Variants in RASAL1 observed in about 807,000 individuals in gnomAD.
RASAL1 encodes the protein rasGAP-activating-like protein 1.
Under a neutral mutation model 96.6 loss-of-function variants are expected in RASAL1, and 72 were observed. The ratio of observed to expected loss-of-function variants is 0.75; its 90% CI spans 0.62 to 0.91. RASAL1 has a LOEUF of 0.91. RASAL1 is among the 40% of genes least tolerant of loss of function. RASAL1 has a pLI of 0.00. For synonymous variants in RASAL1, 405 were observed against 430.4 expected (o/e 0.94, Z 0.73); for missense variants, 1,016 against 1,072.5 (o/e 0.95, Z 0.74).
intron 4 of RASAL1, among the ~76,000 whole-genome samples, chr12:113,127,133 C>CCTGCCTCTGCCT (rs1056891679): frequency 2.6e-5 from 4 of 151,840 alleles, no homozygotes; most frequent in Non-Finnish European, 5.9e-5. Flanking sequence ...AAGCGATCCT[C>CCTGCCTCTGCCT]CTGCCTCTGC....
chr12:113,124,725 G>A (rs560292137), intron 4 of RASAL1, among the ~76,000 whole-genome samples: 18 of 152,332 alleles, frequency 1.2e-4, no homozygotes, highest in South Asian at 8.3e-4. Flanking sequence ...GTGTTGAGAA[G>A]TAAAGCGCTT....
chr12:113,102,027 C>T lies in RASAL1; in HGVS notation c.2105-18G>A, dbSNP rs758029899. The T allele has an allele frequency of 6.2e-7, 1 of 1,609,200 alleles. No homozygotes were observed. Among genetic ancestry groups the T allele is most frequent in the East Asian group, 2.2e-5 (1 of 44,810 alleles). On this transcript the variant is annotated intron_variant, in intron 18 of 20. Coordinates refer to ENST00000548055, the MANE Select transcript of RASAL1 (RefSeq NM_001301202.2). ...GCCGGCGGCTGAGGGAACACAGCTT[C>T]ATTCATCAGTAACTCCCTCTCCCCT...
chr12:113,104,904 A>G lies in RASAL1; in HGVS notation c.1831-606T>C, dbSNP rs112977155. On this transcript the variant is annotated intron_variant, in intron 16 of 20. Transcript: ENST00000548055. ...CGATTCCAAGCACTTTACATTGATC[A>G]ACTTATTTAATTATCACAACAAACT... Among the ~76,000 whole-genome samples, 465 of 152,342 alleles carry G rather than the reference A, an allele frequency of 3.1e-3. 4 individuals carry two copies. Among genetic ancestry groups the G allele is most frequent in the African/African-American group, 0.011 (437 of 41,584 alleles).
Position 113,135,569 on chromosome 12 carries a change from TC to T in RASAL1, c.-108del. On this transcript the variant is annotated 5_prime_UTR_variant, in exon 1 of 21. Coordinates refer to ENST00000548055, the MANE Select transcript of RASAL1 (RefSeq NM_001301202.2). This position sits in a 1 kb window ranked among gnomAD's most constrained non-coding sequence, Gnocchi z 5.7. Reference sequence around the variant, plus strand: ...TCAAGCCTGGCTCCCTGCCTCGTGGTCCCAGTGCCGCCTGTCCGAGACCCGG... The same window carrying T: ...TCAAGCCTGGCTCCCTGCCTCGTGGTCCAGTGCCGCCTGTCCGAGACCCGG... The T allele has an allele frequency of 1.0e-6, 1 of 956,984 alleles. No individual in the cohort carries two copies. Among genetic ancestry groups the T allele is most frequent in the Non-Finnish European group, 1.6e-6 (1 of 627,212 alleles). 59.3% of individuals were successfully genotyped at this position (956,984 alleles called of 1,614,324 possible). A position where few individuals can be genotyped will look rare whatever the true frequency, so the allele number is the denominator to read the frequency against.
At chr12:113,114,347 G>A (rs911844570) in intron 12 of RASAL1, among the ~76,000 whole-genome samples, 7 of 151,846 alleles carry the variant, frequency 4.6e-5, no homozygotes, top group African/African-American at 1.7e-4. Context: ...GGTGGTGTGC[G>A]CCTATAGTCC....
intron 13 of RASAL1, among the ~76,000 whole-genome samples, chr12:113,111,200 T>A (rs952437150): frequency 2.0e-5 from 3 of 152,238 alleles, no homozygotes; most frequent in Admixed American, 6.5e-5. Flanking sequence ...GATTCATTTT[T>A]AGACTTTATT....
chr12:113,099,698 G>C lies in RASAL1; in HGVS notation c.*231C>G, dbSNP rs936037779. On this transcript the variant is annotated 3_prime_UTR_variant, in exon 21 of 21. Transcript: ENST00000548055. ...CAGGTTCCTTATCCTATCCACTCCA[G>C]TCTGAATCAAGCCAGAGGGCAAGTT... 3.0e-5 allele frequency: 14 copies of C among 464,852 alleles called. No individual in the cohort carries two copies. The highest frequency in any genetic ancestry group is 4.0e-5 in the African/African-American group (2 of 50,562). The allele number at this position is 464,852 out of a possible 1,614,324, so 28.8% of individuals were successfully genotyped here.
chr12:113,118,981 T>C (rs1951185840), intron 7 of RASAL1, 147 bp downstream of exon 7: 6 of 1,017,252 alleles, frequency 5.9e-6, no homozygotes, highest in Non-Finnish European at 8.6e-6. Flanking sequence ...GCAATGAAAC[T>C]GCAACACTCA....
At chr12:113,113,788 T>C (rs1592916694) in intron 12 of RASAL1, among the ~76,000 whole-genome samples, 1 of 152,014 alleles carries the variant, frequency 6.6e-6, no homozygotes, top group Non-Finnish European at 1.5e-5. Flanking sequence ...CAGGAGAAGG[T>C]TCTGGAGAGA....
Position 113,117,108 on chromosome 12 carries a change from G to A in RASAL1, c.696C>T (p.Arg232=). 6.2e-7 allele frequency: 1 copy of A among 1,610,936 alleles called. No individual in the cohort carries two copies. The highest frequency in any genetic ancestry group is 8.5e-7 in the Non-Finnish European group (1 of 1,177,698). The change falls in exon 8 of 21, where the codon CGC becomes CGT. Residue 232 remains arginine, a synonymous_variant. Transcript: ENST00000548055. Reference sequence around the variant, plus strand: ...CCTCGGCTCTGGGAAAGGGCAGGAGGCGGAACCAGCCTTTAGGTGGCTTCT... The same window carrying A: ...CCTCGGCTCTGGGAAAGGGCAGGAGACGGAACCAGCCTTTAGGTGGCTTCT... The part of the protein sequence containing the change: ...LQQKPPKGWF[R]LLPFPRAEED...
chr12:113,099,326 A>C lies in RASAL1; in HGVS notation c.*603T>G, dbSNP rs1195152969. The C allele has an allele frequency of 1.3e-5, 2 of 152,188 alleles. No individual in the cohort carries two copies. Among genetic ancestry groups the C allele is most frequent in the African/African-American group, 4.8e-5 (2 of 41,434 alleles). 9.4% of individuals were successfully genotyped at this position (152,188 alleles called of 1,614,324 possible). The stretch of plus-strand genomic sequence containing the variant: ...ACAGGGTAATCTGAGACCCAGAGAG[A>C]GATAAACAGCCTGGCCCAAGGTCTC... On this transcript the variant is annotated 3_prime_UTR_variant, in exon 21 of 21. Transcript: ENST00000548055.
chr12:113,115,611 T>TCGG lies in RASAL1; in HGVS notation c.1003+21_1003+23dup. ...AAGCCCACCATTGAGGGCGGTGATG[T>TCGG]CGGGGGTTGTGCGGGCAACTCACTG... On this transcript the variant is annotated intron_variant, in intron 10 of 20. Transcript: ENST00000548055. This position sits in a 1 kb window ranked among gnomAD's most constrained non-coding sequence, Gnocchi z 4.1. 6.2e-7 allele frequency: 1 copy of TCGG among 1,610,040 alleles called. No homozygotes were observed. The highest frequency in any genetic ancestry group is 1.1e-5 in the South Asian group (1 of 90,596).
In RASAL1 at chr12:113,130,764, C is replaced by T. The variant is rs1951674005; in HGVS notation, c.122+121G>A. On this transcript the variant is annotated intron_variant, in intron 2 of 20. Coordinates refer to ENST00000548055, the MANE Select transcript of RASAL1 (RefSeq NM_001301202.2). The surrounding 1 kb of genome is among the most constrained non-coding windows in gnomAD (Gnocchi z 5.1). ...CAGCTGGACACAAATCACCCACCTG[C>T]AGGCCCGCGAGTCCCCCTCAGGGTA... 1.3e-6 allele frequency: 1 copy of T among 761,846 alleles called. No individual in the cohort carries two copies. The highest frequency in any genetic ancestry group is 2.1e-6 in the Non-Finnish European group (1 of 476,106). 47.2% of individuals were successfully genotyped at this position (761,846 alleles called of 1,614,324 possible). A position where few individuals can be genotyped will look rare whatever the true frequency, so the allele number is the denominator to read the frequency against.
intron 13 of RASAL1, among the ~76,000 whole-genome samples, chr12:113,111,350 A>G (rs1950859856): frequency 6.6e-6 from 1 of 152,198 alleles, no homozygotes; most frequent in Admixed American, 6.5e-5. Context: ...TTATGAGCAC[A>G]GACTCAGGAG....
Position 113,112,102 on chromosome 12 carries a change from G to A in RASAL1, c.1358C>T (p.Pro453Leu), listed in dbSNP as rs1950883275. Residue 453 changes from proline (P) to leucine (L), a missense_variant, in exon 13 of 21, where the codon CCC becomes CTC. By Grantham distance (98) the Pro-to-Leu change is moderately conservative. Transcript: ENST00000548055. Reference protein sequence around the residue: ...QLHRRVEERFPQAEHQDVKYL... With the variant: ...QLHRRVEERFLQAEHQDVKYL... ...CTGGCGCACCTGGTGCTCGGCCTGGGGGAAGCGCTCCTCCACTCGCCGGTG... is the reference window on the plus strand; with the variant it reads ...CTGGCGCACCTGGTGCTCGGCCTGGAGGAAGCGCTCCTCCACTCGCCGGTG... 2 of 1,243,618 alleles carry A rather than the reference G, an allele frequency of 1.6e-6. No homozygotes were observed. Among genetic ancestry groups the A allele is most frequent in the South Asian group, 7.8e-5 (2 of 25,702 alleles). 77.0% of individuals were successfully genotyped at this position (1,243,618 alleles called of 1,614,324 possible). A position where few individuals can be genotyped will look rare whatever the true frequency, so the allele number is the denominator to read the frequency against.
At chr12:113,101,795 T>G in intron 19 of RASAL1, 94 bp downstream of exon 19, 12 of 1,453,082 alleles carry the variant, frequency 8.3e-6, no homozygotes, top group East Asian at 2.5e-5. Context: ...CCAACACACA[T>G]GGGAAGAATG....
chr12:113,136,179 A>T (rs1951908602), upstream of RASAL1: 1 of 152,272 alleles, frequency 6.6e-6, no homozygotes, highest in Non-Finnish European at 1.5e-5. Context: ...GGGTCCGTTC[A>T]GAGTCAAGGG....
chr12:113,106,254 G>C (rs187237042), intron 15 of RASAL1, among the ~76,000 whole-genome samples: 79 of 152,164 alleles, frequency 5.2e-4, no homozygotes, highest in African/African-American at 1.7e-3. Context: ...AGCACCATAG[G>C]GACCCCACCA....
At chr12:113,126,015 T>C (rs1039583950) in intron 4 of RASAL1, among the ~76,000 whole-genome samples, 8 of 152,240 alleles carry the variant, frequency 5.3e-5, no homozygotes, top group Non-Finnish European at 1.2e-4. Context: ...CCGGGTGCAG[T>C]GGCTTATGCC....
Sources: gnomAD v4.1 joint callset for allele counts (sites outside exome capture counted in the v4.1 genomes callset) on GRCh38, gnomAD v4.1.1 for gene constraint, Gnocchi (gnomAD v3.1) non-coding constraint, MANE v1.5 for transcripts, NCBI Gene and HGNC (gene_info 2026-07-23, HGNC 2026-07-21) for gene names.